Variants in FAM131B observed in about 807,000 individuals in gnomAD.
FAM131B encodes family with sequence similarity 131 member B, also known as protein FAM131B.
Under a neutral mutation model 42.0 loss-of-function variants are expected in FAM131B, and 19 were observed. The ratio of observed to expected loss-of-function variants is 0.45; its 90% CI spans 0.32 to 0.66. FAM131B has a LOEUF of 0.66. Among genes scored for constraint, FAM131B ranks in the 30% least tolerant of loss-of-function variants. FAM131B has a pLI of 0.05. For synonymous variants in FAM131B, 183 were observed against 177.6 expected (o/e 1.03, Z -0.24); for missense variants, 370 against 468.4 (o/e 0.79, Z 1.94).
At position 143,359,793 on chromosome 7, in the gene FAM131B, G is replaced by T. The variant is rs768212135; in HGVS notation, c.139-26C>A. ...CTGTGAGGAGAGAGGAAAGGGAATG[G>T]GCATCCCAGTCACTCGCAGGAATGC... On this transcript the variant is annotated intron_variant, in intron 2 of 6. Coordinates refer to ENST00000443739, the MANE Select transcript of FAM131B (RefSeq NM_001031690.3). This position sits in a 1 kb window ranked among gnomAD's most constrained non-coding sequence, Gnocchi z 5.4. 21 of 1,557,360 alleles carry T rather than the reference G, an allele frequency of 1.3e-5. No homozygotes were observed. Among genetic ancestry groups the T allele is most frequent in the Non-Finnish European group, 1.8e-5 (21 of 1,150,238 alleles).
At chr7:143,362,876 C>T (rs1263087025), upstream of FAM131B, 1 of 151,478 alleles carries the variant, frequency 6.6e-6, no homozygotes, top group Non-Finnish European at 1.5e-5. This position sits in a 1 kb window ranked among gnomAD's most constrained non-coding sequence, Gnocchi z 7.7. Context: ...CGCCTCCCCG[C>T]CCCTGCTCCG....
chr7:143,377,711 CAT>C, the FAM131B span, among the ~76,000 whole-genome samples: 14 of 152,056 alleles, frequency 9.2e-5, no homozygotes, highest in African/African-American at 3.4e-4. Flanking sequence ...AACAAACATA[CAT>C]ATATGTTTGT....
At chr7:143,363,682 A>C (rs1804100898), upstream of FAM131B, among the ~76,000 whole-genome samples, 1 of 152,194 alleles carries the variant, frequency 6.6e-6, no homozygotes, top group African/African-American at 2.4e-5. Context: ...AAGGGCAAGG[A>C]GACCCTTTTG....
At chr7:143,378,229 C>G in the FAM131B span, among the ~76,000 whole-genome samples, 1 of 152,212 alleles carries the variant, frequency 6.6e-6, no homozygotes, top group Admixed American at 6.5e-5. Context: ...TTTCTCTTTC[C>G]ATTTTAGAAA....
In FAM131B at chr7:143,356,320, C is replaced by G; in HGVS notation, c.*230G>C. ...GGTCCTTCTCCACAGCCACACCAAG[C>G]TCACGGCCATCTAGTTGCCCAGGTC... On this transcript the variant is annotated 3_prime_UTR_variant, in exon 7 of 7. Transcript: ENST00000443739. This position sits in a 1 kb window ranked among gnomAD's most constrained non-coding sequence, Gnocchi z 4.4. 1.8e-6 allele frequency: 1 copy of G among 546,168 alleles called. No individual in the cohort carries two copies. The highest frequency in any genetic ancestry group is 3.3e-6 in the Non-Finnish European group (1 of 305,424). The allele number at this position is 546,168 out of a possible 1,614,324, so 33.8% of individuals were successfully genotyped here. A position where few individuals can be genotyped will look rare whatever the true frequency, so the allele number is the denominator to read the frequency against.
chr7:143,368,713 G>A, the FAM131B span, among the ~76,000 whole-genome samples: 1 of 152,192 alleles, frequency 6.6e-6, no homozygotes, highest in Non-Finnish European at 1.5e-5. Flanking sequence ...ACAGCTGACA[G>A]CCTACCTCTC....
chr7:143,360,740 T>C (rs998755447), intron 1 of FAM131B: 9 of 152,438 alleles, frequency 5.9e-5, no homozygotes, highest in African/African-American at 1.9e-4. Context: ...AAGTGATGGA[T>C]TAAAGTGGAG....
In FAM131B at chr7:143,354,977, C is replaced by CTGGA. The variant is rs1563093803; in HGVS notation, c.*1572_*1573insTCCA. On this transcript the variant is annotated 3_prime_UTR_variant, in exon 7 of 7. Coordinates refer to ENST00000443739, the MANE Select transcript of FAM131B (RefSeq NM_001031690.3). ...GGGCCAGGAGAGGACAACAGTGCTC[C>CTGGA]CTTCCAGCAGAGGATGCAAGTGGTA... is the stretch of plus-strand genomic sequence containing the variant. 7.1e-6 allele frequency: 1 copy of CTGGA among 141,146 alleles called. No individual in the cohort carries two copies. The highest frequency in any genetic ancestry group is 7.2e-5 in the Admixed American group (1 of 13,882). The allele number at this position is 141,146 out of a possible 1,614,324, so 8.7% of individuals were successfully genotyped here. A position where few individuals can be genotyped will look rare whatever the true frequency, so the allele number is the denominator to read the frequency against.
the FAM131B span, among the ~76,000 whole-genome samples, chr7:143,370,131 CTG>C: frequency 6.6e-6 from 1 of 152,102 alleles, no homozygotes; most frequent in Non-Finnish European, 1.5e-5. Flanking sequence ...TGGTGGAAAA[CTG>C]TGTTGGGGGC....
chr7:143,364,220 T>C (rs1383317392), upstream of FAM131B: 1 of 151,330 alleles, frequency 6.6e-6, no homozygotes, highest in East Asian at 1.9e-4. Context: ...ATAAAAGAAG[T>C]ATCAAATAGT....
Position 143,356,915 on chromosome 7 carries a change from T to C in FAM131B, c.718A>G (p.Ile240Val). 1 of 1,613,874 alleles carries C rather than the reference T, an allele frequency of 6.2e-7. No homozygotes were observed. Among genetic ancestry groups the C allele is most frequent in the Non-Finnish European group, 8.5e-7 (1 of 1,179,988 alleles). ...DAWEASDQSL[I>V]ASPATGSYLG... ...TAGGATCCTGTGGCCGGAGAGGCAA[T>C]GAGGGACTGATCGCTGGCTTCCCAG... is the stretch of plus-strand genomic sequence containing the variant. The change falls in exon 7 of 7, where the codon ATT becomes GTT. Residue 240 changes from isoleucine to valine, a missense_variant. Ile to Val is a conservative substitution (Grantham distance 29, BLOSUM62 3). Coordinates refer to ENST00000443739, the MANE Select transcript of FAM131B (RefSeq NM_001031690.3). This position sits in a 1 kb window ranked among gnomAD's most constrained non-coding sequence, Gnocchi z 4.4.
rs1377288041 is a variant in FAM131B at position 143,354,539 on chromosome 7, C to T, written c.*2011G>A. 1 of 152,244 alleles carries T rather than the reference C, an allele frequency of 6.6e-6. No homozygotes were observed. Among genetic ancestry groups the T allele is most frequent in the Non-Finnish European group, 1.5e-5 (1 of 68,090 alleles). The allele number at this position is 152,244 out of a possible 1,614,324, so 9.4% of individuals were successfully genotyped here. On this transcript the variant is annotated 3_prime_UTR_variant, in exon 7 of 7. Coordinates refer to ENST00000443739, the MANE Select transcript of FAM131B (RefSeq NM_001031690.3). Reference sequence around the variant, plus strand: ...AAGGTCACATGAACATGCAAAACCCCAGAGCCTGCAGCAGGAGACGGGTGG... The same window carrying T: ...AAGGTCACATGAACATGCAAAACCCTAGAGCCTGCAGCAGGAGACGGGTGG...
chr7:143,357,077 G>T, intron 6 of FAM131B, 55 bp from the exon 7 acceptor site: 1 of 1,280,514 alleles, frequency 7.8e-7, no homozygotes, highest in South Asian at 1.2e-5. Flanking sequence ...GGGCAGGAAT[G>T]ACAGCACAGA....
chr7:143,366,471 G>A (rs1402588110), upstream of FAM131B, among the ~76,000 whole-genome samples: 1 of 152,112 alleles, frequency 6.6e-6, no homozygotes, highest in African/African-American at 2.4e-5. Context: ...AAGGCCAGAA[G>A]TGAGAGTGCT....
the FAM131B span, among the ~76,000 whole-genome samples, chr7:143,367,860 G>A: frequency 6.6e-6 from 1 of 152,236 alleles, no homozygotes; most frequent in Non-Finnish European, 1.5e-5. Flanking sequence ...TTCAGCAGAA[G>A]AGAATGCCCA....
In FAM131B at chr7:143,359,775, G is replaced by A; in HGVS notation, c.139-8C>T. 1 of 1,564,550 alleles carries A rather than the reference G, an allele frequency of 6.4e-7. No individual in the cohort carries two copies. Among genetic ancestry groups the A allele is most frequent in the South Asian group, 1.2e-5 (1 of 84,828 alleles). On this transcript the variant is annotated splice_polypyrimidine_tract_variant and splice_region_variant and intron_variant, in intron 2 of 6. Transcript: ENST00000443739. The surrounding 1 kb of genome is among the most constrained non-coding windows in gnomAD (Gnocchi z 5.4). ...GAAATCAGTTCGAGTTTGCTGTGAG[G>A]AGAGAGGAAAGGGAATGGGCATCCC...
At chr7:143,378,042 C>T in the FAM131B span, among the ~76,000 whole-genome samples, 1 of 152,184 alleles carries the variant, frequency 6.6e-6, no homozygotes, top group Admixed American at 6.5e-5. Context: ...AAGTGCTTAG[C>T]ATTGCACCTC....
Position 143,359,882 on chromosome 7 carries a change from G to T in FAM131B, c.139-115C>A. 1.8e-6 allele frequency: 2 copies of T among 1,101,842 alleles called. No individual in the cohort carries two copies. Among genetic ancestry groups the T allele is most frequent in the Non-Finnish European group, 2.7e-6 (2 of 741,282 alleles). The allele number at this position is 1,101,842 out of a possible 1,614,324, so 68.3% of individuals were successfully genotyped here. ...GGGATGTGGGGAGGGCTTTCCTGAG[G>T]TTGATGCCGCTAACTGGGTTCTCCA... is the stretch of plus-strand genomic sequence containing the variant. On this transcript the variant is annotated intron_variant, in intron 2 of 6. Transcript: ENST00000443739. This position sits in a 1 kb window ranked among gnomAD's most constrained non-coding sequence, Gnocchi z 5.4.
the FAM131B span, chr7:143,381,028 G>T: frequency 3.6e-6 from 1 of 276,446 alleles, no homozygotes; most frequent in Non-Finnish European, 5.5e-6. Context: ...GGCGGGGAGG[G>T]GGAGGCAGGT....
Sources: gnomAD v4.1 joint callset for allele counts (sites outside exome capture counted in the v4.1 genomes callset) on GRCh38, gnomAD v4.1.1 for gene constraint, Gnocchi (gnomAD v3.1) non-coding constraint, MANE v1.5 for transcripts, NCBI Gene and HGNC (gene_info 2026-07-23, HGNC 2026-07-21) for gene names.